Variants in CTBP2 observed in about 807,000 individuals in gnomAD.
CTBP2 encodes the protein C-terminal-binding protein 2.
Under a neutral mutation model 80.3 loss-of-function variants are expected in CTBP2, and 30 were observed. That is an observed-to-expected ratio of 0.37 (90% confidence interval 0.28 to 0.51). The LOEUF (loss-of-function observed/expected upper bound fraction) is 0.51. Among genes scored for constraint, CTBP2 ranks in the 20% least tolerant of loss-of-function variants. The pLI is 0.93. For missense variants in CTBP2, 1,212 were observed against 1,375.3 expected (o/e 0.88, Z 1.88); for synonymous variants, 594 against 587.4 (o/e 1.01, Z -0.16).
At chr10:125,015,312 A>G (rs1345897027) in intron 1 of CTBP2, among the ~76,000 whole-genome samples, 2 of 152,274 alleles carry the variant, frequency 1.3e-5, no homozygotes, top group Non-Finnish European at 2.9e-5. Context: ...CTTCTCTTCG[A>G]GTCCTGCACT....
chr10:124,984,575 C>A lies in CTBP2; in HGVS notation c.*4943G>T. On this transcript the variant is annotated 3_prime_UTR_variant, in exon 9 of 9. Coordinates refer to ENST00000309035, the MANE Select transcript of CTBP2 (RefSeq NM_022802.3). ...TTTAGTTTTTTTCTGAGAAATTTCC[C>A]ATTTATGTCTTTTTAAATTTAACCA... 1 of 536,514 alleles carries A rather than the reference C, an allele frequency of 1.9e-6. No homozygotes were observed. Among genetic ancestry groups the A allele is most frequent in the Non-Finnish European group, 3.2e-6 (1 of 308,494 alleles). The allele number at this position is 536,514 out of a possible 1,614,324, so 33.2% of individuals were successfully genotyped here. A position where few individuals can be genotyped will look rare whatever the true frequency, so the allele number is the denominator to read the frequency against.
intron 1 of CTBP2, among the ~76,000 whole-genome samples, chr10:125,114,691 T>C (rs1852907310): frequency 6.6e-6 from 1 of 152,202 alleles, no homozygotes; most frequent in Non-Finnish European, 1.5e-5. Flanking sequence ...TGAGAAACTC[T>C]GGTGTGGCTC....
intron 1 of CTBP2, among the ~76,000 whole-genome samples, chr10:125,148,869 T>C: frequency 6.6e-6 from 1 of 152,192 alleles, no homozygotes; most frequent in African/African-American, 2.4e-5. Context: ...CAGGCTTAGC[T>C]GAGAAATGAG....
chr10:125,057,745 C>T (rs1964229944), intron 2 of CTBP2, among the ~76,000 whole-genome samples: 1 of 152,220 alleles, frequency 6.6e-6, no homozygotes, highest in South Asian at 2.1e-4. Context: ...CATTTGTTGA[C>T]AAAACTCCAG....
chr10:125,018,950 C>G (rs1956785072), intron 1 of CTBP2, among the ~76,000 whole-genome samples: 1 of 152,218 alleles, frequency 6.6e-6, no homozygotes, highest in South Asian at 2.1e-4. Flanking sequence ...CTCCATGGCT[C>G]TCAGGAGAAC....
chr10:125,149,040 A>G (rs1248034481), intron 1 of CTBP2, among the ~76,000 whole-genome samples: 1 of 152,162 alleles, frequency 6.6e-6, no homozygotes, highest in African/African-American at 2.4e-5. Context: ...CAGGTCCACC[A>G]CTGCGCCGTG....
chr10:125,058,470 C>T (rs776963261), intron 2 of CTBP2, among the ~76,000 whole-genome samples: 2 of 152,088 alleles, frequency 1.3e-5, no homozygotes, highest in Non-Finnish European at 2.9e-5. Context: ...GAGGCATGGG[C>T]GTGTGTCGCA....
chr10:125,076,128 ATTCCT>A (rs1016022461), intron 2 of CTBP2, among the ~76,000 whole-genome samples: 2 of 151,966 alleles, frequency 1.3e-5, no homozygotes, highest in African/African-American at 4.8e-5. Flanking sequence ...AGCCTCCTCT[ATTCCT>A]TTCTTTTCCC....
At chr10:125,052,053 T>C (rs906816559) in intron 2 of CTBP2, among the ~76,000 whole-genome samples, 1 of 152,032 alleles carries the variant, frequency 6.6e-6, no homozygotes, top group African/African-American at 2.4e-5. Context: ...GGCCTGTCTG[T>C]GGAACCTTCT....
intron 1 of CTBP2, among the ~76,000 whole-genome samples, chr10:125,008,276 A>G (rs1489179885): frequency 6.6e-6 from 1 of 152,048 alleles, no homozygotes; most frequent in Non-Finnish European, 1.5e-5. Context: ...AAAACGCACT[A>G]GATTTTATGG....
rs553436461 is a variant in CTBP2, at chr10:125,095,205, T to G, written c.-102+15785A>C. Among the ~76,000 whole-genome samples, 12 of 152,114 alleles carry G rather than the reference T, an allele frequency of 7.9e-5. No individual in the cohort carries two copies. In the South Asian group the frequency reaches 2.5e-3, roughly 32 times the overall value. ...GTTTGACACACACCTAGCAAACAGA[T>G]CTTGGAAAAAATGAATCCCTAAATG... On this transcript the variant is annotated intron_variant, in intron 2 of 10. Coordinates refer to the CTBP2 transcript ENST00000337195.
rs1357070405 is a variant in CTBP2 at position 124,987,462 on chromosome 10, C to G, written c.*2056G>C. 6.6e-6 allele frequency: 1 copy of G among 152,112 alleles called. No individual in the cohort carries two copies. The highest frequency in any genetic ancestry group is 1.5e-5 in the Non-Finnish European group (1 of 68,030). The allele number at this position is 152,112 out of a possible 1,614,324, so 9.4% of individuals were successfully genotyped here. ...GACCTGCCTTTTTATGTTTTTGACT[C>G]TTAGGTTCATCGTGTCCCAGACTTC... On this transcript the variant is annotated 3_prime_UTR_variant, in exon 9 of 9. Coordinates refer to ENST00000309035, the MANE Select transcript of CTBP2 (RefSeq NM_022802.3).
At chr10:125,134,906 G>C (rs7080079) in intron 1 of CTBP2, among the ~76,000 whole-genome samples, 62,548 of 121,818 alleles carry the variant, frequency 0.51, 13,805 homozygotes, top group East Asian at 0.78. Context: ...CCTGCCCCCG[G>C]TATACTCAAC....
At chr10:125,063,697 T>C (rs1308128042) in intron 2 of CTBP2, among the ~76,000 whole-genome samples, 3 of 152,266 alleles carry the variant, frequency 2.0e-5, no homozygotes, top group Non-Finnish European at 4.4e-5. Flanking sequence ...ACCTGAGTTA[T>C]TGCTGTGTTT....
intron 1 of CTBP2, among the ~76,000 whole-genome samples, chr10:125,134,282 C>T (rs1856624952): frequency 6.6e-6 from 1 of 152,184 alleles, no homozygotes; most frequent in African/African-American, 2.4e-5. Flanking sequence ...GAGTCCACGG[C>T]AGTAAGAGCA....
At chr10:125,106,671 G>A (rs563935355) in intron 2 of CTBP2, among the ~76,000 whole-genome samples, 26 of 152,322 alleles carry the variant, frequency 1.7e-4, no homozygotes, top group Admixed American at 9.1e-4. Context: ...TGCCCTGCTC[G>A]GAGGTACCCC....
intron 2 of CTBP2, among the ~76,000 whole-genome samples, chr10:125,103,029 T>C (rs970005794): frequency 3.3e-5 from 5 of 152,182 alleles, no homozygotes; most frequent in Non-Finnish European, 7.4e-5. Flanking sequence ...CCCGCCCTAC[T>C]TGCACAAAGG....
At chr10:125,157,411 G>A (rs536768559) in intron 1 of CTBP2, among the ~76,000 whole-genome samples, 1 of 148,270 alleles carries the variant, frequency 6.7e-6, no homozygotes, top group East Asian at 2.0e-4. Context: ...AAAAAAGAGC[G>A]GGGGGGAGTC....
At chr10:125,022,587 A>T (rs1313473340) in intron 1 of CTBP2, among the ~76,000 whole-genome samples, 5 of 152,254 alleles carry the variant, frequency 3.3e-5, no homozygotes, top group Non-Finnish European at 5.9e-5. Context: ...TGCCCAGGGC[A>T]GTGGTCTGTG....
Sources: allele counts gnomAD v4.1 joint callset (sites outside exome capture counted in the v4.1 genomes callset), GRCh38; gene constraint gnomAD v4.1.1; transcripts MANE v1.5; gene names NCBI Gene and HGNC (gene_info 2026-07-23, HGNC 2026-07-21).